The following DYNC2H1 variants were observed in gnomAD, a reference collection of about 807,000 sequenced individuals.
DYNC2H1 encodes cytoplasmic dynein 2 heavy chain 1.
Under a neutral mutation model 570.0 loss-of-function variants are expected in DYNC2H1, and 410 were observed. The observed-to-expected ratio is 0.72, with a 90% CI of 0.66 to 0.78. The LOEUF (loss-of-function observed/expected upper bound fraction) is 0.78, where lower values mean the gene tolerates loss of function less well. DYNC2H1 is among the 30% of genes least tolerant of loss of function. The pLI, the probability that DYNC2H1 is intolerant of heterozygous loss-of-function variation, is 0.00. For synonymous variants in DYNC2H1, 1,688 were observed against 1,677.6 expected (o/e 1.01, Z -0.15); for missense variants, 4,865 against 5,046.4 (o/e 0.96, Z 1.09).
At chr11:103,407,389 G>A (rs2135673768) in intron 84 of DYNC2H1, 1 of 119,320 alleles carries the variant, frequency 8.4e-6, no homozygotes, top group Non-Finnish European at 1.7e-5. Flanking sequence ...CTAGAAATAA[G>A]AGGATTTAAA....
At chr11:103,171,949 A>G (rs2134971234) in intron 34 of DYNC2H1, among the ~76,000 whole-genome samples, 1 of 152,340 alleles carries the variant, frequency 6.6e-6, no homozygotes, top group South Asian at 2.1e-4. Context: ...GGAGATATAC[A>G]TTAATGTCAC....
chr11:103,156,039 C>T (rs1860800864), intron 25 of DYNC2H1, among the ~76,000 whole-genome samples: 1 of 152,146 alleles, frequency 6.6e-6, no homozygotes, highest in Middle Eastern at 3.4e-3. Context: ...TCTTTTGTTC[C>T]AAATATTGGC....
rs749164739 is a variant in DYNC2H1, at chr11:103,114,251, A to T, written c.502+13A>T. The T allele has an allele frequency of 6.4e-7, 1 of 1,559,350 alleles. No individual in the cohort carries two copies. The highest frequency in any genetic ancestry group is 2.0e-5 in the Admixed American group (1 of 51,004). ...GATGACACACGAGGTATATAACCAT[A>T]GCTTAATAAAAGAGAGTACAAAATG... On this transcript the variant is annotated intron_variant, in intron 3 of 88. Transcript: ENST00000375735.
intron 87 of DYNC2H1, among the ~76,000 whole-genome samples, chr11:103,464,234 A>T (rs550059085): frequency 6.6e-6 from 1 of 152,266 alleles, no homozygotes; most frequent in East Asian, 1.9e-4. Context: ...ACAGGGAAAG[A>T]TAATACAGTT....
In DYNC2H1 at chr11:103,140,840, A is replaced by G. The variant is rs912312959; in HGVS notation, c.2575-2428A>G. On this transcript the variant is annotated intron_variant, in intron 17 of 88. Transcript: ENST00000375735. ...CATTCTCCCCGTCACTTTCAGGTAC[A>G]CCCATCAGACGTAGATTTGGTCTTT... Among the ~76,000 whole-genome samples the G allele has an allele frequency of 2.0e-5, 3 of 151,986 alleles. No individual in the cohort carries two copies. The East Asian group carries it at 5.8e-4, about 29-fold the overall frequency.
At chr11:103,253,844 A>AT (rs544146943) in intron 66 of DYNC2H1, among the ~76,000 whole-genome samples, 53 of 151,360 alleles carry the variant, frequency 3.5e-4, no homozygotes, top group African/African-American at 1.0e-3. Context: ...CTGAGCCAGC[A>AT]TTTTTTTTTA....
intron 65 of DYNC2H1, among the ~76,000 whole-genome samples, chr11:103,251,858 G>A (rs1171843129): frequency 1.3e-5 from 2 of 152,056 alleles, no homozygotes; most frequent in Admixed American, 1.3e-4. Flanking sequence ...ACTTTTTTAT[G>A]ACCGAACATT....
chr11:103,447,954 ACT>A (rs1405746314), intron 85 of DYNC2H1, among the ~76,000 whole-genome samples: 2 of 151,904 alleles, frequency 1.3e-5, no homozygotes, highest in Non-Finnish European at 2.9e-5. Flanking sequence ...GTTATTTGCA[ACT>A]CTCTGATAAA....
intron 48 of DYNC2H1, 52 bp downstream of exon 48, chr11:103,198,115 A>C (rs1349981283): frequency 6.6e-7 from 1 of 1,507,462 alleles, no homozygotes; most frequent in African/African-American, 1.4e-5. Flanking sequence ...ATAGTCTTTT[A>C]AAAATATTTA....
Position 103,209,942 on chromosome 11 carries a change from GA to G in DYNC2H1, c.8525del (p.Lys2842ArgfsTer11). ...ATACAATGATAAAAAACGAAAAGAA[GA>G]AAAGAAAAAAAATTCAGGTAGTATT... is the stretch of plus-strand genomic sequence containing the variant. ...EKYNDKKRKE[E>X]KKKNSVDPDF... On this transcript the variant is annotated frameshift_variant, in exon 53 of 89. Transcript: ENST00000375735. LOFTEE classifies it high-confidence loss of function. The surrounding 1 kb of genome is among the most constrained non-coding windows in gnomAD (Gnocchi z 4.2). The G allele has an allele frequency of 6.7e-7, 1 of 1,489,840 alleles. No homozygotes were observed. The highest frequency in any genetic ancestry group is 2.4e-5 in the Admixed American group (1 of 41,268). The allele number at this position is 1,489,840 out of a possible 1,614,324, so 92.3% of individuals were successfully genotyped here.
chr11:103,183,573 G>T (rs1249485983), intron 40 of DYNC2H1, among the ~76,000 whole-genome samples: 1 of 151,874 alleles, frequency 6.6e-6, no homozygotes, highest in African/African-American at 2.4e-5. Flanking sequence ...ATACCACAAT[G>T]AATTCTCTAG....
rs975967860 is a variant in DYNC2H1, at chr11:103,235,792, A to G, written c.9688A>G (p.Thr3230Ala). The G allele has an allele frequency of 1.9e-6, 3 of 1,611,342 alleles. No individual in the cohort carries two copies. Among genetic ancestry groups the G allele is most frequent in the Admixed American group, 1.7e-5 (1 of 59,792 alleles). Residue 3230 changes from threonine to alanine, a missense_variant, in exon 62 of 89, where the codon ACC becomes GCC. By Grantham distance (58) the Thr-to-Ala change is moderately conservative (BLOSUM62 0). Around this residue, in one of 5 missense-constraint regions of DYNC2H1, gnomAD observed 2,401 missense variants for 2,454.6 expected, o/e 0.98. Coordinates refer to ENST00000375735, the MANE Select transcript of DYNC2H1 (RefSeq NM_001377.3). ...SLRKTCLEEWTKSAGLEKFDL... is the reference protein window; with the variant it reads ...SLRKTCLEEWAKSAGLEKFDL... ...GAGAAAAACCTGTTTGGAAGAATGG[A>G]CCAAGTCAGCTGGTCTTGAGAGTTT... is the stretch of plus-strand genomic sequence containing the variant.
intron 13 of DYNC2H1, among the ~76,000 whole-genome samples, chr11:103,131,355 G>A (rs1259377914): frequency 2.0e-5 from 3 of 151,784 alleles, no homozygotes; most frequent in South Asian, 2.1e-4. Flanking sequence ...GTGCAGTGTC[G>A]CAATCTCGGC....
rs550491852 is a variant in DYNC2H1 at position 103,369,093 on chromosome 11, T to C, written c.12156+10734T>C. On this transcript the variant is annotated intron_variant, in intron 83 of 88. Coordinates refer to ENST00000375735, the MANE Select transcript of DYNC2H1 (RefSeq NM_001377.3). The surrounding 1 kb of genome is among the most constrained non-coding windows in gnomAD (Gnocchi z 4.0). ...AAGAGGTAGGAAAAACAGTTTTGAA[T>C]TGCAGACACCATCCCTCCCCTGTCT... Among the ~76,000 whole-genome samples the C allele has an allele frequency of 7.9e-5, 12 of 152,250 alleles. No homozygotes were observed. Among genetic ancestry groups the C allele is most frequent in the East Asian group, 3.9e-4 (2 of 5,176 alleles).
intron 26 of DYNC2H1, among the ~76,000 whole-genome samples, 187 bp downstream of exon 26, chr11:103,156,957 T>A (rs1412168458): frequency 6.6e-6 from 1 of 152,218 alleles, no homozygotes; most frequent in East Asian, 1.9e-4. Context: ...TGAACCATTA[T>A]GGTGTGGTCT....
chr11:103,459,468 C>T (rs1482111769), intron 87 of DYNC2H1, among the ~76,000 whole-genome samples: 1 of 152,000 alleles, frequency 6.6e-6, no homozygotes, highest in Non-Finnish European at 1.5e-5. Flanking sequence ...AGAGTAGTAA[C>T]AATAGCCGTT....
At chr11:103,454,980 A>G (rs890533210) in intron 85 of DYNC2H1, 3 of 474,208 alleles carry the variant, frequency 6.3e-6, no homozygotes, top group Non-Finnish European at 1.1e-5. Flanking sequence ...CAATTGTGCA[A>G]GGAATCGTAT....
chr11:103,217,040 A>G (rs1236242071), intron 55 of DYNC2H1, among the ~76,000 whole-genome samples: 1 of 152,124 alleles, frequency 6.6e-6, no homozygotes, highest in Non-Finnish European at 1.5e-5. Context: ...TTCCCTGACT[A>G]TGCCTCAAAT....
intron 40 of DYNC2H1, among the ~76,000 whole-genome samples, chr11:103,182,763 G>T (rs555755327): frequency 8.2e-4 from 124 of 152,016 alleles, no homozygotes; most frequent in African/African-American, 3.0e-3. Context: ...ATAGCAGTGA[G>T]TTTTTTGAAA....
Sources: allele counts gnomAD v4.1 joint callset (sites outside exome capture counted in the v4.1 genomes callset), GRCh38; gene constraint gnomAD v4.1.1; regional missense constraint gnomAD v4.1.1; non-coding constraint Gnocchi (gnomAD v3.1); transcripts MANE v1.5; gene names NCBI Gene and HGNC (gene_info 2026-07-23, HGNC 2026-07-21).